Variants in PALM3 observed in about 807,000 individuals in gnomAD.
PALM3 encodes the protein paralemmin 3, also known as paralemmin-3.
A neutral mutation model predicts 27.9 loss-of-function variants in PALM3; 20 were observed. That is an observed-to-expected ratio of 0.72 (90% CI 0.50 to 1.04). The LOEUF is 1.04. PALM3 is among the 50% of genes least tolerant of loss of function. The pLI, the probability that PALM3 is intolerant of heterozygous loss-of-function variation, is 0.00. For synonymous variants in PALM3, 328 were observed against 352.7 expected (o/e 0.93, Z 0.79); for missense variants, 814 against 869.4 (o/e 0.94, Z 0.80).
At chr19:14,055,503 C>T in intron 5 of PALM3, 78 bp from the exon 6 acceptor site, 3 of 1,437,316 alleles carry the variant, frequency 2.1e-6, no homozygotes, top group Non-Finnish European at 1.9e-6. Flanking sequence ...GCTCCCACCC[C>T]ACCACCCCTA....
At chr19:14,055,812 G>A (rs988522986) in intron 5 of PALM3, among the ~76,000 whole-genome samples, 2 of 152,060 alleles carry the variant, frequency 1.3e-5, no homozygotes, top group South Asian at 4.1e-4. Context: ...GTGCAGTGGC[G>A]TAATCTCGGC....
chr19:14,054,974 A>G lies in PALM3; in HGVS notation c.698T>C (p.Val233Ala). 4 of 1,548,472 alleles carry G rather than the reference A, an allele frequency of 2.6e-6. No homozygotes were observed. Among genetic ancestry groups the G allele is most frequent in the Middle Eastern group, 1.7e-4 (1 of 5,986 alleles). Reference sequence around the variant, plus strand: ...CCTCAGCCCTTCCCACACCACACTCACCACGCCCCCTCCTTTGGCCTCACC... The same window carrying G: ...CCTCAGCCCTTCCCACACCACACTCGCCACGCCCCCTCCTTTGGCCTCACC... ...RVGEAKGGGV[V>A]SVVWEGLRAT... The change falls in exon 7 of 7, where the codon GTG becomes GCG. Residue 233 changes from valine to alanine, a missense_variant. Transcript: ENST00000669674.
rs1951857220 is a variant in PALM3 at position 14,056,755 on chromosome 19, G to A, written c.221C>T (p.Pro74Leu). The change falls in exon 4 of 7, where the codon CCA becomes CTA. Residue 74 changes from proline to leucine, a missense_variant. Physicochemically the swap from Pro to Leu is moderately conservative, Grantham distance 98. Coordinates refer to ENST00000669674, the MANE Select transcript of PALM3 (RefSeq NM_001145028.2). ...RWLMDGAAAV[P>L]EPSEDPTSKD... ...CGAGGTGGGGTCTTCGGATGGCTCT[G>A]GCACTGCAGCTGCCCCATCCATTAG... 1 of 1,551,496 alleles carries A rather than the reference G, an allele frequency of 6.4e-7. No individual in the cohort carries two copies. Among genetic ancestry groups the A allele is most frequent in the Non-Finnish European group, 8.7e-7 (1 of 1,146,948 alleles).
Position 14,053,964 on chromosome 19 carries a change from TCTC to T in PALM3, c.1705_1707del (p.Glu569del), listed in dbSNP as rs1976239592. On this transcript the variant is annotated inframe_deletion, in exon 7 of 7. Transcript: ENST00000669674. ...TCAAGGGGAGGCCCTGCCTCATTCATCTCCTCTGCCTGGGATTCACTTCCTTCC... is the reference window on the plus strand; with the variant it reads ...TCAAGGGGAGGCCCTGCCTCATTCATCTCTGCCTGGGATTCACTTCCTTCC... 11 of 1,551,556 alleles carry T rather than the reference TCTC, an allele frequency of 7.1e-6. No individual in the cohort carries two copies. Among genetic ancestry groups the T allele is most frequent in the Non-Finnish European group, 9.6e-6 (11 of 1,146,942 alleles).
Position 14,054,416 on chromosome 19 carries a change from A to C in PALM3, c.1256T>G (p.Ile419Arg). The C allele has an allele frequency of 6.4e-7, 1 of 1,550,446 alleles. No individual in the cohort carries two copies. Among genetic ancestry groups the C allele is most frequent in the Non-Finnish European group, 8.7e-7 (1 of 1,146,626 alleles). ...EKRKAEESMG[I>R]GSEEKPGTGR... ...TGTCCCTGGCTTTTCCTCACTTCCT[A>C]TTCCCATGGATTCTTCCGCTTTTCT... The change falls in exon 7 of 7, where the codon ATA becomes AGA. Residue 419 changes from isoleucine to arginine, a missense_variant. Coordinates refer to ENST00000669674, the MANE Select transcript of PALM3 (RefSeq NM_001145028.2).
At chr19:14,055,339 G>A (rs1211730305) in intron 6 of PALM3, 41 bp downstream of exon 6, 1 of 1,540,380 alleles carries the variant, frequency 6.5e-7, no homozygotes, top group South Asian at 1.2e-5. Flanking sequence ...CCCAGGCTCT[G>A]GGGTGACCTG....
Position 14,056,721 on chromosome 19 carries a change from G to T in PALM3, c.255C>A (p.Pro85=). 1 of 1,551,754 alleles carries T rather than the reference G, an allele frequency of 6.4e-7. No individual in the cohort carries two copies. Among genetic ancestry groups the T allele is most frequent in the Non-Finnish European group, 8.7e-7 (1 of 1,146,994 alleles). ...EPSEDPTSKD[P]QSPEGQAQAR... ...CCTGAGCCTGGCCCTCGGGTGACTGGGGGTCCTTCGAGGTGGGGTCTTCGG... is the reference window on the plus strand; with the variant it reads ...CCTGAGCCTGGCCCTCGGGTGACTGTGGGTCCTTCGAGGTGGGGTCTTCGG... The change falls in exon 4 of 7, where the codon CCC becomes CCA. Residue 85 remains proline (P), a synonymous_variant. Transcript: ENST00000669674.
Position 14,054,712 on chromosome 19 carries a change from C to T in PALM3, c.960G>A (p.Arg320=), listed in dbSNP as rs1351280441. The change falls in exon 7 of 7, where the codon AGG becomes AGA. Residue 320 remains arginine, a synonymous_variant. Transcript: ENST00000669674. Reference sequence around the variant, plus strand: ...CTGCTGCCTCTAATCTCTCCTGGAGCCTAGGCGAGCTAGTCTGCACGACCT... The same window carrying T: ...CTGCTGCCTCTAATCTCTCCTGGAGTCTAGGCGAGCTAGTCTGCACGACCT... The part of the protein sequence containing the change: ...VPEVVQTSSP[R]LQERLEAAAS... The T allele has an allele frequency of 1.3e-6, 2 of 1,551,726 alleles. No homozygotes were observed. Among genetic ancestry groups the T allele is most frequent in the South Asian group, 2.4e-5 (2 of 84,058 alleles).
chr19:14,056,423 C>G lies in PALM3; in HGVS notation c.399+6G>C. 1 of 1,548,814 alleles carries G rather than the reference C, an allele frequency of 6.5e-7. No homozygotes were observed. The highest frequency in any genetic ancestry group is 8.7e-7 in the Non-Finnish European group (1 of 1,144,602). On this transcript the variant is annotated splice_donor_region_variant and intron_variant, in intron 5 of 6. Transcript: ENST00000669674. ...TCCCATCCCACTCCCCTGATTCCCC[C>G]CTCACCTGTCTGCGCCAGCTGGGCC...
chr19:14,053,391 C>G lies in PALM3; in HGVS notation c.*214G>C, dbSNP rs989277990. On this transcript the variant is annotated 3_prime_UTR_variant, in exon 7 of 7. Coordinates refer to ENST00000669674, the MANE Select transcript of PALM3 (RefSeq NM_001145028.2). Reference sequence around the variant, plus strand: ...CTTGAGTGCTTTCACATTTTATTTTCAAGTATAAAGGCTTCATCGCAGAAG... The same window carrying G: ...CTTGAGTGCTTTCACATTTTATTTTGAAGTATAAAGGCTTCATCGCAGAAG... 6.4e-6 allele frequency: 3 copies of G among 465,944 alleles called. No homozygotes were observed. The highest frequency in any genetic ancestry group is 6.0e-5 in the African/African-American group (3 of 50,280). 28.9% of individuals were successfully genotyped at this position (465,944 alleles called of 1,614,324 possible).
In PALM3 at chr19:14,053,376, T is replaced by G; in HGVS notation, c.*229A>C. 1 of 445,088 alleles carries G rather than the reference T, an allele frequency of 2.2e-6. No homozygotes were observed. The highest frequency in any genetic ancestry group is 3.9e-6 in the Non-Finnish European group (1 of 256,550). 27.6% of individuals were successfully genotyped at this position (445,088 alleles called of 1,614,324 possible). A position where few individuals can be genotyped will look rare whatever the true frequency, so the allele number is the denominator to read the frequency against. ...ACACATTCAAGCCGTCTTGAGTGCT[T>G]TCACATTTTATTTTCAAGTATAAAG... On this transcript the variant is annotated 3_prime_UTR_variant, in exon 7 of 7. Coordinates refer to ENST00000669674, the MANE Select transcript of PALM3 (RefSeq NM_001145028.2).
chr19:14,056,932 G>A (rs1976316199), intron 3 of PALM3, 128 bp from the exon 4 acceptor site: 7 of 984,992 alleles, frequency 7.1e-6, no homozygotes, highest in Non-Finnish European at 1.0e-5. Context: ...ACATACATCA[G>A]GCTGGGATAC....
chr19:14,056,852 C>G, intron 3 of PALM3, 48 bp from the exon 4 acceptor site: 1 of 1,495,088 alleles, frequency 6.7e-7, no homozygotes, highest in Non-Finnish European at 8.9e-7. Flanking sequence ...CTACCCCGGT[C>G]CATGTAAAGT....
At position 14,057,450 on chromosome 19, in the gene PALM3, G is replaced by C. The variant is rs1348754991; in HGVS notation, c.91-19C>G. ...GCTTCTCCTGCGCACAGAGGACCCG[G>C]AGCTGCCCGCCGGCCGGGCGCGGCC... On this transcript the variant is annotated intron_variant, in intron 2 of 6. Transcript: ENST00000669674. 2.6e-6 allele frequency: 4 copies of C among 1,512,534 alleles called. No homozygotes were observed. In the Admixed American group the frequency reaches 8.2e-5, roughly 31 times the overall value. 93.7% of individuals were successfully genotyped at this position (1,512,534 alleles called of 1,614,324 possible). A position where few individuals can be genotyped will look rare whatever the true frequency, so the allele number is the denominator to read the frequency against.
Position 14,054,839 on chromosome 19 carries a change from A to G in PALM3, c.833T>C (p.Leu278Pro). The change falls in exon 7 of 7, where the codon CTC (leucine) becomes CCC (proline). Residue 278 changes from leucine to proline, a missense_variant. Transcript: ENST00000669674. ...GDRKGAGSLE[L>P]PAWVKEDRGI... Reference sequence around the variant, plus strand: ...CCTGTCCTCCTTCACCCAGGCCGGGAGCTCCAGGCTACCAGCTCCCTTCCT... The same window carrying G: ...CCTGTCCTCCTTCACCCAGGCCGGGGGCTCCAGGCTACCAGCTCCCTTCCT... 6.5e-7 allele frequency: 1 copy of G among 1,543,088 alleles called. No individual in the cohort carries two copies.
Position 14,056,465 on chromosome 19 carries a change from C to G in PALM3, c.363G>C (p.Gln121His). 1 of 1,551,650 alleles carries G rather than the reference C, an allele frequency of 6.4e-7. No individual in the cohort carries two copies. Among genetic ancestry groups the G allele is most frequent in the Non-Finnish European group, 8.7e-7 (1 of 1,146,952 alleles). ...QLLQSASTGA[Q>H]HKPSGRPSWR... Reference sequence around the variant, plus strand: ...AGCTGGGCCTGCCTGAGGGCTTGTGCTGGGCACCTGTGGAAGCACTTTGCA... The same window carrying G: ...AGCTGGGCCTGCCTGAGGGCTTGTGGTGGGCACCTGTGGAAGCACTTTGCA... Residue 121 changes from glutamine (Q) to histidine (H), a missense_variant, in exon 5 of 7, where the codon CAG becomes CAC. Gln to His is a conservative substitution (Grantham distance 24). Coordinates refer to ENST00000669674, the MANE Select transcript of PALM3 (RefSeq NM_001145028.2).
At chr19:14,060,219 G>C (rs1189306471) in intron 1 of PALM3, among the ~76,000 whole-genome samples, 2 of 152,064 alleles carry the variant, frequency 1.3e-5, no homozygotes. Context: ...AAGCCTCATT[G>C]CCTGAACTCC....
Position 14,061,455 on chromosome 19 carries a change from G to A in PALM3, c.41+485C>T, listed in dbSNP as rs116847152. 7.0e-4 allele frequency among the ~76,000 whole-genome samples: 106 copies of A among 152,292 alleles called. 1 individual carries two copies. In the Middle Eastern group the frequency reaches 0.017, roughly 24 times the overall value. ...CTAACTCTGGAAGAACAACGTAGGCGGCCTGGGCTTCTGGCCACCCGCAAG... is the reference window on the plus strand; with the variant it reads ...CTAACTCTGGAAGAACAACGTAGGCAGCCTGGGCTTCTGGCCACCCGCAAG... On this transcript the variant is annotated intron_variant, in intron 1 of 6. Coordinates refer to ENST00000669674, the MANE Select transcript of PALM3 (RefSeq NM_001145028.2).
In PALM3 at chr19:14,057,489, C is replaced by T. The variant is rs1298759768; in HGVS notation, c.91-58G>A. On this transcript the variant is annotated intron_variant, in intron 2 of 6. Coordinates refer to ENST00000669674, the MANE Select transcript of PALM3 (RefSeq NM_001145028.2). ...CCGGGCGCGGCCTCCACCACCTCCT[C>T]TTCCCTCCCTTTCCCCTCCCTCCTC... The T allele has an allele frequency of 5.2e-6, 7 of 1,346,098 alleles. No homozygotes were observed. The South Asian group carries it at 6.9e-5, about 13-fold the overall frequency. 83.4% of individuals were successfully genotyped at this position (1,346,098 alleles called of 1,614,324 possible).
Sources: allele counts gnomAD v4.1 joint callset (sites outside exome capture counted in the v4.1 genomes callset), GRCh38; gene constraint gnomAD v4.1.1; transcripts MANE v1.5; gene names NCBI Gene and HGNC (gene_info 2026-07-23, HGNC 2026-07-21).